Variants in PAM observed in about 807,000 individuals in gnomAD.
PAM encodes peptidylglycine alpha-amidating monooxygenase.
PAM carries 72 observed loss-of-function variants against 122.1 expected under a neutral mutation model. That is an observed-to-expected ratio of 0.59 (90% CI 0.49 to 0.72). The LOEUF is 0.72. PAM is among the 30% of genes least tolerant of loss of function. PAM has a pLI of 0.00. For synonymous variants in PAM, 389 were observed against 404.4 expected (o/e 0.96, Z 0.46); for missense variants, 1,106 against 1,183.7 (o/e 0.93, Z 0.96).
Position 102,961,225 on chromosome 5 carries a change from C to T in PAM, c.1158C>T (p.Asp386=). The change falls in exon 14 of 26, where the codon GAC becomes GAT. Residue 386 remains aspartate (D), a synonymous_variant. Coordinates refer to ENST00000438793, the MANE Select transcript of PAM (RefSeq NM_001177306.2). The stretch of plus-strand genomic sequence containing the variant: ...AACGAGAAGAAGAAGAAGTGTTAGA[C>T]CAGGGTATGTATGCTTATTTCTATA... The part of the protein sequence containing the change: ...QPKREEEEVL[D]QGDFYSLLSK... The T allele has an allele frequency of 1.3e-6, 2 of 1,536,896 alleles. No homozygotes were observed. Among genetic ancestry groups the T allele is most frequent in the Non-Finnish European group, 1.8e-6 (2 of 1,110,774 alleles).
At chr5:103,011,380 A>T (rs754535460) in intron 21 of PAM, among the ~76,000 whole-genome samples, 20 of 75,894 alleles carry the variant, frequency 2.6e-4, no homozygotes, top group African/African-American at 4.6e-4. Context: ...ACACACACTC[A>T]CACACACACA....
At chr5:102,953,742 A>C (rs374031348) in intron 12 of PAM, among the ~76,000 whole-genome samples, 4 of 152,182 alleles carry the variant, frequency 2.6e-5, no homozygotes, top group African/African-American at 9.7e-5. Flanking sequence ...GGCCGAGTAC[A>C]ATGGCTCATG....
intron 3 of PAM, among the ~76,000 whole-genome samples, chr5:102,900,939 C>T (rs778321836): frequency 1.3e-5 from 2 of 151,548 alleles, no homozygotes; most frequent in Non-Finnish European, 3.0e-5. Flanking sequence ...TTGTACTTCT[C>T]TAATATTTGA....
intron 1 of PAM, among the ~76,000 whole-genome samples, chr5:102,822,949 T>C (rs112571458): frequency 4.0e-5 from 6 of 151,844 alleles, no homozygotes; most frequent in Non-Finnish European, 7.4e-5. Flanking sequence ...CCCCACCCTC[T>C]ATGGCCAGTC....
intron 11 of PAM, among the ~76,000 whole-genome samples, chr5:102,950,430 T>TGTGTGTGTGTGTGG (rs1758468805): frequency 6.6e-6 from 1 of 151,934 alleles, no homozygotes; most frequent in Non-Finnish European, 1.5e-5. Context: ...TGTGTGTGTG[T>TGTGTGTGTGTGTGG]GTGTGTGTGT....
intron 1 of PAM, among the ~76,000 whole-genome samples, chr5:102,797,310 C>T (rs1235606172): frequency 2.0e-5 from 3 of 152,126 alleles, no homozygotes; most frequent in Non-Finnish European, 4.4e-5. Context: ...AATGTGAATG[C>T]TCTAAATCAT....
chr5:102,857,103 T>A (rs1346812423), intron 1 of PAM, among the ~76,000 whole-genome samples: 1 of 152,032 alleles, frequency 6.6e-6, no homozygotes, highest in East Asian at 1.9e-4. Flanking sequence ...GTAATGTTAA[T>A]GAGAAAAGCT....
At chr5:102,911,050 A>C (rs911160933) in intron 4 of PAM, among the ~76,000 whole-genome samples, 3 of 152,080 alleles carry the variant, frequency 2.0e-5, no homozygotes, top group Admixed American at 2.0e-4. Flanking sequence ...CACTACTGGC[A>C]GCAGCCCTTC....
At chr5:102,885,096 A>ATATATATATAT (rs1561760626) in intron 3 of PAM, among the ~76,000 whole-genome samples, 25 of 132,598 alleles carry the variant, frequency 1.9e-4, no homozygotes, top group African/African-American at 8.6e-4. Flanking sequence ...TATATATATA[A>ATATATATATAT]CTATAAAAGC....
chr5:102,924,455 A>C (rs1748668916), intron 5 of PAM, among the ~76,000 whole-genome samples: 1 of 151,858 alleles, frequency 6.6e-6, no homozygotes, highest in Non-Finnish European at 1.5e-5. Context: ...AAAAAAACAA[A>C]AAAACTCTTA....
intron 16 of PAM, among the ~76,000 whole-genome samples, chr5:102,992,347 A>AT (rs3836844): frequency 0.35 from 52,985 of 151,132 alleles, 9,589 homozygotes; most frequent in East Asian, 0.44. Context: ...ATGTAAAACT[A>AT]TTTTTTTTTC....
At chr5:102,929,217 C>CCAAA (rs1241595340) in intron 7 of PAM, among the ~76,000 whole-genome samples, 2 of 151,776 alleles carry the variant, frequency 1.3e-5, no homozygotes, top group African/African-American at 4.8e-5. Flanking sequence ...ACACCTCATG[C>CCAAA]CAAAAAAAGA....
chr5:102,924,612 CT>C (rs753624495), intron 5 of PAM, among the ~76,000 whole-genome samples: 4 of 151,984 alleles, frequency 2.6e-5, no homozygotes, highest in Non-Finnish European at 4.4e-5. Flanking sequence ...GCTGCATTAG[CT>C]TTGGTTTATA....
At position 102,944,407 on chromosome 5, in the gene PAM, A is replaced by G. The variant is rs138695883; in HGVS notation, c.527-2430A>G. ...GAGAGTTAACCTGGCGCCCAACCCA[A>G]TGAAAGAAAGAATATTTACTTTGGA... On this transcript the variant is annotated intron_variant, in intron 7 of 25. Coordinates refer to ENST00000438793, the MANE Select transcript of PAM (RefSeq NM_001177306.2). Among the ~76,000 whole-genome samples, 406 of 152,228 alleles carry G rather than the reference A, an allele frequency of 2.7e-3. 2 individuals carry two copies. Among genetic ancestry groups the G allele is most frequent in the Non-Finnish European group, 4.3e-3 (289 of 67,994 alleles).
intron 3 of PAM, among the ~76,000 whole-genome samples, chr5:102,874,784 T>A (rs1347375589): frequency 1.6e-5 from 2 of 127,924 alleles, no homozygotes; most frequent in Non-Finnish European, 3.0e-5. Flanking sequence ...ACATACTTAG[T>A]GAGTATTCAT....
chr5:102,863,653 G>C (rs1387328587), intron 1 of PAM, among the ~76,000 whole-genome samples: 1 of 146,780 alleles, frequency 6.8e-6, no homozygotes, highest in Non-Finnish European at 1.5e-5. Context: ...TTGGATGAGT[G>C]AAGGAATTAT....
At chr5:102,957,149 A>G (rs1171240633) in intron 12 of PAM, among the ~76,000 whole-genome samples, 2 of 152,190 alleles carry the variant, frequency 1.3e-5, no homozygotes, top group Admixed American at 6.5e-5. Context: ...ATTTCTAGCT[A>G]CACATCTGTA....
intron 1 of PAM, among the ~76,000 whole-genome samples, chr5:102,774,684 A>G (rs893081917): frequency 3.9e-5 from 6 of 152,002 alleles, no homozygotes; most frequent in Admixed American, 3.3e-4. Flanking sequence ...TTCTGTATTC[A>G]TATGTGTTAT....
chr5:102,783,958 G>A (rs1327948528), intron 1 of PAM, among the ~76,000 whole-genome samples: 2 of 150,726 alleles, frequency 1.3e-5, no homozygotes, highest in Non-Finnish European at 2.9e-5. Flanking sequence ...GTGCAGTGGC[G>A]CAATCTCGGC....
Sources: gnomAD v4.1 joint callset for allele counts (sites outside exome capture counted in the v4.1 genomes callset) on GRCh38, gnomAD v4.1.1 for gene constraint, MANE v1.5 for transcripts, NCBI Gene and HGNC (gene_info 2026-07-23, HGNC 2026-07-21) for gene names.